Variants in THSD7B observed in about 807,000 individuals in gnomAD.
THSD7B encodes thrombospondin type-1 domain-containing protein 7B.
A neutral mutation model predicts 213.6 loss-of-function variants in THSD7B; 138 were observed. The observed-to-expected ratio is 0.65, with a 90% CI of 0.56 to 0.74. The LOEUF is 0.74. Ranked by LOEUF, THSD7B falls within the 30% of genes least tolerant of loss-of-function variation. THSD7B has a pLI of 0.00. For synonymous variants in THSD7B, 742 were observed against 687.0 expected (o/e 1.08, Z -1.25); for missense variants, 1,931 against 1,991.5 (o/e 0.97, Z 0.58).
At chr2:137,384,594 G>C (rs13405020) in intron 12 of THSD7B, among the ~76,000 whole-genome samples, 30,286 of 152,144 alleles carry the variant, frequency 0.2, 3,399 homozygotes, top group Non-Finnish European at 0.25. Flanking sequence ...GGTGGAGGCA[G>C]GGTCTGTTCA....
At chr2:137,408,043 G>A (rs1487371892) in intron 13 of THSD7B, among the ~76,000 whole-genome samples, 1 of 151,864 alleles carries the variant, frequency 6.6e-6, no homozygotes, top group Non-Finnish European at 1.5e-5. Flanking sequence ...ATATTAACTT[G>A]TTCTGAATCC....
chr2:137,008,748 A>G (rs553297934), intron 2 of THSD7B, among the ~76,000 whole-genome samples: 1 of 152,352 alleles, frequency 6.6e-6, no homozygotes, highest in East Asian at 1.9e-4. Context: ...GCAGAGTATA[A>G]TAAAAAAAAT....
intron 2 of THSD7B, among the ~76,000 whole-genome samples, chr2:136,930,440 C>T (rs1262739585): frequency 1.3e-5 from 2 of 152,108 alleles, no homozygotes; most frequent in African/African-American, 2.4e-5. Flanking sequence ...TAAGGGAGGG[C>T]CAGCCACTGA....
intron 27 of THSD7B, among the ~76,000 whole-genome samples, chr2:137,672,758 T>C (rs1407731625): frequency 6.6e-6 from 1 of 152,200 alleles, no homozygotes; most frequent in Non-Finnish European, 1.5e-5. Context: ...TAGTAAAACT[T>C]GAAAATGCTT....
intron 1 of THSD7B, among the ~76,000 whole-genome samples, chr2:136,804,390 TAC>T (rs1682246239): frequency 7.8e-6 from 1 of 127,582 alleles, no homozygotes; most frequent in Non-Finnish European, 1.7e-5. Flanking sequence ...GGAACTCACA[TAC>T]ACACACACAT....
At chr2:137,408,879 A>G (rs1686587624) in intron 13 of THSD7B, among the ~76,000 whole-genome samples, 1 of 151,558 alleles carries the variant, frequency 6.6e-6, no homozygotes, top group African/African-American at 2.4e-5. Flanking sequence ...GATCTGAAGG[A>G]GAAGTAGGCG....
At chr2:137,283,055 A>G (rs1425399758) in intron 12 of THSD7B, among the ~76,000 whole-genome samples, 2 of 152,168 alleles carry the variant, frequency 1.3e-5, no homozygotes, top group African/African-American at 4.8e-5. Flanking sequence ...ATATTCTTCC[A>G]TTTGTTTGTA....
At chr2:136,923,187 TC>T (rs1684463836) in intron 2 of THSD7B, among the ~76,000 whole-genome samples, 1 of 152,212 alleles carries the variant, frequency 6.6e-6, no homozygotes, top group East Asian at 1.9e-4. Flanking sequence ...TTTAGCTACT[TC>T]ATATGAGTGG....
chr2:136,998,034 G>A (rs76317769), intron 2 of THSD7B, among the ~76,000 whole-genome samples: 1,905 of 152,114 alleles, frequency 0.013, 74 homozygotes, highest in East Asian at 0.097. Flanking sequence ...AGACAACTGA[G>A]CAAGGAGCTC....
intron 2 of THSD7B, among the ~76,000 whole-genome samples, chr2:136,923,217 C>G (rs1684464524): frequency 6.6e-6 from 1 of 152,236 alleles, no homozygotes; most frequent in East Asian, 1.9e-4. Flanking sequence ...AAGATTTGCC[C>G]TTTTTGGACT....
intron 4 of THSD7B, among the ~76,000 whole-genome samples, chr2:137,110,941 G>A (rs146152605): frequency 2.4e-4 from 37 of 152,300 alleles, no homozygotes; most frequent in African/African-American, 8.9e-4. Flanking sequence ...CAGGTTTCCA[G>A]CCTAGGAGCA....
chr2:137,122,614 C>T (rs1011747954), intron 5 of THSD7B, among the ~76,000 whole-genome samples: 2 of 152,038 alleles, frequency 1.3e-5, no homozygotes, highest in Non-Finnish European at 1.5e-5. Flanking sequence ...GATCTTAGGC[C>T]TCATGTGATC....
chr2:136,944,941 C>G (rs568813727), intron 2 of THSD7B, among the ~76,000 whole-genome samples: 3 of 152,214 alleles, frequency 2.0e-5, no homozygotes, highest in African/African-American at 7.2e-5. Context: ...ATGATGTTAG[C>G]TGGTTATTTT....
chr2:137,411,564 A>C (rs1381846769), intron 13 of THSD7B, 45 bp from the exon 14 acceptor site: 13 of 1,537,886 alleles, frequency 8.5e-6, no homozygotes, highest in Non-Finnish European at 1.1e-5. Context: ...TTTTAACAAA[A>C]CAGCAGATAA....
chr2:137,061,543 T>C (rs1444299892), intron 3 of THSD7B, among the ~76,000 whole-genome samples: 2 of 151,408 alleles, frequency 1.3e-5, no homozygotes, highest in African/African-American at 4.8e-5. Context: ...CCCTTCATTC[T>C]TAGTTTTCTG....
At chr2:137,362,465 C>T (rs1395123125) in intron 12 of THSD7B, among the ~76,000 whole-genome samples, 1 of 152,106 alleles carries the variant, frequency 6.6e-6, no homozygotes, top group Non-Finnish European at 1.5e-5. Context: ...CAAGACCCAT[C>T]AGTGCGTTGT....
chr2:136,831,170 G>A (rs62171213), intron 1 of THSD7B, among the ~76,000 whole-genome samples: 60 of 129,572 alleles, frequency 4.6e-4, no homozygotes, highest in Admixed American at 8.4e-4. Flanking sequence ...TTTCCAATGG[G>A]ATTTTCATCC....
At chr2:137,499,143 A>G (rs1679644299) in intron 15 of THSD7B, among the ~76,000 whole-genome samples, 1 of 152,210 alleles carries the variant, frequency 6.6e-6, no homozygotes, top group Admixed American at 6.5e-5. Flanking sequence ...AGTCGCCTGT[A>G]AGTAGATGAG....
At chr2:136,973,216 A>G (rs1685431282) in intron 2 of THSD7B, among the ~76,000 whole-genome samples, 1 of 152,126 alleles carries the variant, frequency 6.6e-6, no homozygotes, top group Non-Finnish European at 1.5e-5. Context: ...CCTCTAGAGG[A>G]GTAAAAGATG....
Sources: allele counts gnomAD v4.1 joint callset (sites outside exome capture counted in the v4.1 genomes callset), GRCh38; gene constraint gnomAD v4.1.1; transcripts MANE v1.5; gene names NCBI Gene and HGNC (gene_info 2026-07-23, HGNC 2026-07-21).